The following TANGO6 variants were observed in gnomAD, a reference collection of about 807,000 sequenced individuals.
The protein encoded by TANGO6 is transport and golgi organization 6 homolog, also known as transport and Golgi organization protein 6 homolog.
In TANGO6, 90 loss-of-function variants were observed where a neutral mutation model predicts 114.2. The ratio of observed to expected loss-of-function variants is 0.79; its 90% CI spans 0.66 to 0.94. The LOEUF (loss-of-function observed/expected upper bound fraction) is 0.94. Ranked by LOEUF, TANGO6 falls within the 40% of genes least tolerant of loss-of-function variation. The probability of loss-of-function intolerance (pLI) is 0.00; values close to 1 mark genes in which losing one functional copy is unlikely to be tolerated. For synonymous variants in TANGO6, 477 were observed against 509.8 expected, an observed-to-expected ratio of 0.94 and a Z score of 0.87; for missense variants, 1,274 against 1,315.3, an observed-to-expected ratio of 0.97 and a Z score of 0.49.
At chr16:69,049,425 T>C (rs887421815) in intron 17 of TANGO6, among the ~76,000 whole-genome samples, 1 of 151,360 alleles carries the variant, frequency 6.6e-6, no homozygotes, top group African/African-American at 2.4e-5. Flanking sequence ...CTTTAAAAAT[T>C]TTTTTTCTTT....
intron 5 of TANGO6, among the ~76,000 whole-genome samples, chr16:68,876,164 A>ATT (rs11314437): frequency 6.9e-4 from 101 of 146,172 alleles, no homozygotes; most frequent in Middle Eastern, 7.1e-3. Context: ...ATTAATGCTA[A>ATT]TTTTTTTTTT....
intron 15 of TANGO6, among the ~76,000 whole-genome samples, chr16:68,998,232 A>G (rs765867328): frequency 1.1e-4 from 17 of 152,202 alleles, no homozygotes; most frequent in Non-Finnish European, 2.1e-4. Flanking sequence ...AGATTTTCAC[A>G]TTACCCATCC....
intron 14 of TANGO6, among the ~76,000 whole-genome samples, chr16:68,961,788 G>T (rs1399708656): frequency 6.6e-6 from 1 of 152,210 alleles, no homozygotes; most frequent in Non-Finnish European, 1.5e-5. Context: ...AACAGTCAAT[G>T]ATAGTTAAGA....
intron 17 of TANGO6, among the ~76,000 whole-genome samples, chr16:69,058,688 CGGAGTCTCGCT>C (rs1960071366): frequency 6.6e-6 from 1 of 152,104 alleles, no homozygotes; most frequent in Non-Finnish European, 1.5e-5. Context: ...TTTTTTGAGA[CGGAGTCTCGCT>C]CTGTCACCCA....
intron 1 of TANGO6, among the ~76,000 whole-genome samples, chr16:68,851,841 T>C (rs1249339734): frequency 1.3e-5 from 2 of 152,204 alleles, no homozygotes; most frequent in African/African-American, 2.4e-5. Flanking sequence ...TATAAAACTT[T>C]TGGATTTTAG....
At chr16:68,951,748 G>A (rs944499152) in intron 14 of TANGO6, among the ~76,000 whole-genome samples, 2 of 151,870 alleles carry the variant, frequency 1.3e-5, no homozygotes, top group African/African-American at 4.8e-5. Flanking sequence ...GAGTAGCTGG[G>A]ACTACAGGCA....
chr16:68,940,466 G>A (rs764224213), intron 14 of TANGO6, among the ~76,000 whole-genome samples: 1 of 152,112 alleles, frequency 6.6e-6, no homozygotes, highest in Non-Finnish European at 1.5e-5. Context: ...GGAAGTAAGG[G>A]TCTCATGATA....
At chr16:68,979,669 G>A (rs1278772005) in intron 15 of TANGO6, among the ~76,000 whole-genome samples, 2 of 152,100 alleles carry the variant, frequency 1.3e-5, no homozygotes. Flanking sequence ...TTATCAAGAA[G>A]ATATATAAAG....
At chr16:69,077,206 T>TTTTTA (rs1291049068) in intron 17 of TANGO6, among the ~76,000 whole-genome samples, 13 of 152,006 alleles carry the variant, frequency 8.6e-5, no homozygotes, top group Admixed American at 3.3e-4. Context: ...GCCTGGCTAA[T>TTTTTA]TTTTATTTTA....
intron 15 of TANGO6, among the ~76,000 whole-genome samples, chr16:68,974,539 G>A (rs1326578528): frequency 6.6e-6 from 1 of 152,100 alleles, no homozygotes; most frequent in African/African-American, 2.4e-5. Context: ...GTGTACGCCT[G>A]TAATCCCACT....
chr16:68,897,487 C>T (rs755519194), intron 7 of TANGO6, among the ~76,000 whole-genome samples: 1 of 151,804 alleles, frequency 6.6e-6, no homozygotes, highest in East Asian at 1.9e-4. Context: ...AATAGCTGTA[C>T]ATTATTTCCT....
intron 11 of TANGO6, among the ~76,000 whole-genome samples, chr16:68,918,832 A>C (rs1236738256): frequency 2.0e-5 from 3 of 152,142 alleles, no homozygotes; most frequent in Non-Finnish European, 4.4e-5. Context: ...CATGGAAGCT[A>C]CACCCCCACC....
At chr16:68,882,036 C>T (rs889905470) in intron 7 of TANGO6, among the ~76,000 whole-genome samples, 6 of 151,932 alleles carry the variant, frequency 3.9e-5, no homozygotes, top group African/African-American at 1.4e-4. Flanking sequence ...TAATAATTTA[C>T]TGCTGAACAC....
chr16:68,961,318 A>G (rs1963588278), intron 14 of TANGO6, among the ~76,000 whole-genome samples: 2 of 152,252 alleles, frequency 1.3e-5, no homozygotes, highest in African/African-American at 4.8e-5. Context: ...GTCATGTAGC[A>G]GAGTGACTGA....
intron 4 of TANGO6, 97 bp from the exon 5 acceptor site, chr16:68,875,057 A>C: frequency 1.5e-6 from 2 of 1,310,540 alleles, no homozygotes; most frequent in Non-Finnish European, 2.1e-6. Flanking sequence ...TAGAAAAGAT[A>C]AATGCATTTT....
At chr16:68,909,547 C>T in intron 11 of TANGO6, 145 bp downstream of exon 11, 1 of 659,070 alleles carries the variant, frequency 1.5e-6, no homozygotes, top group Non-Finnish European at 2.2e-6. Flanking sequence ...ACTACACAGC[C>T]CACACCAGGC....
intron 17 of TANGO6, among the ~76,000 whole-genome samples, chr16:69,054,865 C>T (rs927524628): frequency 1.4e-5 from 2 of 146,382 alleles, no homozygotes; most frequent in Non-Finnish European, 3.0e-5. Flanking sequence ...GGCGTGAACC[C>T]GGGAGGCGGA....
intron 1 of TANGO6, among the ~76,000 whole-genome samples, chr16:68,859,681 C>T (rs1962057434): frequency 6.6e-6 from 1 of 152,212 alleles, no homozygotes; most frequent in Non-Finnish European, 1.5e-5. Context: ...ACTCCAATTA[C>T]ATGCAAAGTG....
At chr16:68,939,246 C>T (rs758469007) in intron 14 of TANGO6, among the ~76,000 whole-genome samples, 2 of 151,832 alleles carry the variant, frequency 1.3e-5, no homozygotes, top group Non-Finnish European at 1.5e-5. Flanking sequence ...GGTGGTTAGC[C>T]GGGTGTGGTG....
Sources: allele counts gnomAD v4.1 joint callset (sites outside exome capture counted in the v4.1 genomes callset), GRCh38; gene constraint gnomAD v4.1.1; transcripts MANE v1.5; gene names NCBI Gene and HGNC (gene_info 2026-07-23, HGNC 2026-07-21).